CMSS1: variants seen among roughly 807,000 people sequenced by gnomAD.
CMSS1 encodes the protein protein CMSS1.
Under a neutral mutation model 43.5 loss-of-function variants are expected in CMSS1, and 33 were observed. The observed-to-expected ratio is 0.76, with a 90% confidence interval of 0.57 to 1.01. CMSS1 has a LOEUF of 1.01. Ranked by LOEUF, CMSS1 falls within the 50% of genes least tolerant of loss-of-function variation. CMSS1 has a pLI of 0.00. For missense variants in CMSS1, 313 were observed against 326.4 expected (o/e 0.96, Z 0.32); for synonymous variants, 115 against 117.2 (o/e 0.98, Z 0.12).
Position 100,121,168 on chromosome 3 carries a change from G to A in CMSS1, c.65-25805G>A, listed in dbSNP as rs79082425. ...TCTGTTTTGTTACATAGGTATACACGTGTCATGGTGGTTTGCTGCACCCAT... is the reference window on the plus strand; with the variant it reads ...TCTGTTTTGTTACATAGGTATACACATGTCATGGTGGTTTGCTGCACCCAT... On this transcript the variant is annotated intron_variant, in intron 1 of 9. Coordinates refer to ENST00000421999, the MANE Select transcript of CMSS1 (RefSeq NM_032359.4). 5.8e-4 allele frequency among the ~76,000 whole-genome samples: 88 copies of A among 151,918 alleles called. 2 individuals are homozygous for A. Among genetic ancestry groups the A allele is most frequent in the African/African-American group, 2.9e-4 (12 of 41,316 alleles).
chr3:99,893,122 T>C lies in CMSS1; in HGVS notation c.64+75079T>C, dbSNP rs192533250. ...ATTTTTAGAAGACACCTTTCTGCTT[T>C]CAGGTATCTCTATTTCCAGTAACAA... On this transcript the variant is annotated intron_variant, in intron 1 of 9. Coordinates refer to ENST00000421999, the MANE Select transcript of CMSS1 (RefSeq NM_032359.4). Among the ~76,000 whole-genome samples the C allele has an allele frequency of 2.0e-5, 3 of 151,990 alleles. No individual in the cohort carries two copies. The East Asian group carries it at 5.8e-4, about 29-fold the overall frequency.
At chr3:99,979,530 G>T (rs891397416) in intron 1 of CMSS1, among the ~76,000 whole-genome samples, 2 of 152,116 alleles carry the variant, frequency 1.3e-5, no homozygotes, top group African/African-American at 2.4e-5. Flanking sequence ...TTCTTTCCCA[G>T]ATTTTTTTAA....
chr3:100,020,862 G>A (rs1576646685), intron 1 of CMSS1, among the ~76,000 whole-genome samples: 1 of 139,614 alleles, frequency 7.2e-6, no homozygotes, highest in East Asian at 2.3e-4. Context: ...CTGCCTCCCA[G>A]GTTCAAGTGA....
chr3:99,945,185 C>G (rs1451251659), intron 1 of CMSS1, among the ~76,000 whole-genome samples: 1 of 152,182 alleles, frequency 6.6e-6, no homozygotes, highest in Non-Finnish European at 1.5e-5. Flanking sequence ...GTCCTGGGTT[C>G]TTCAGACTGA....
chr3:100,082,160 C>T (rs1431108195), intron 1 of CMSS1, among the ~76,000 whole-genome samples: 1 of 152,068 alleles, frequency 6.6e-6, no homozygotes, highest in Non-Finnish European at 1.5e-5. Context: ...TTTATTTTCC[C>T]ATTATGTTGT....
At chr3:100,088,630 C>T (rs555447624) in intron 1 of CMSS1, among the ~76,000 whole-genome samples, 2 of 151,590 alleles carry the variant, frequency 1.3e-5, no homozygotes, top group African/African-American at 2.4e-5. Context: ...CAAGTTCTTG[C>T]ACTTTCTCTC....
At chr3:100,095,911 A>G (rs1220892648) in intron 1 of CMSS1, among the ~76,000 whole-genome samples, 1 of 152,220 alleles carries the variant, frequency 6.6e-6, no homozygotes, top group African/African-American at 2.4e-5. Flanking sequence ...AAGGAGCTCA[A>G]ACAACTACAT....
intron 1 of CMSS1, among the ~76,000 whole-genome samples, chr3:100,066,622 C>G (rs1380185918): frequency 1.0e-5 from 1 of 99,004 alleles, no homozygotes; most frequent in Non-Finnish European, 2.3e-5. Flanking sequence ...AGCTCCGCCT[C>G]CCGGGTTCAC....
At chr3:100,078,856 A>C (rs1008346400) in intron 1 of CMSS1, among the ~76,000 whole-genome samples, 3 of 152,120 alleles carry the variant, frequency 2.0e-5, no homozygotes, top group Middle Eastern at 3.2e-3. Flanking sequence ...ACACCACTGC[A>C]CTCCAGCCTG....
chr3:99,827,602 A>T (rs1297665659), intron 1 of CMSS1, among the ~76,000 whole-genome samples: 2 of 151,718 alleles, frequency 1.3e-5, no homozygotes, highest in Non-Finnish European at 2.9e-5. Context: ...TTCTACGCAA[A>T]TTTTTTCTTT....
chr3:99,895,062 T>TA (rs1364830132), intron 1 of CMSS1, among the ~76,000 whole-genome samples: 2 of 152,092 alleles, frequency 1.3e-5, no homozygotes, highest in African/African-American at 4.8e-5. Flanking sequence ...GCTCTGGAAA[T>TA]ACTCTTGCCC....
intron 1 of CMSS1, among the ~76,000 whole-genome samples, chr3:99,994,269 T>C (rs756712144): frequency 1.3e-5 from 2 of 152,188 alleles, no homozygotes; most frequent in African/African-American, 2.4e-5. Context: ...AAGAGATAGA[T>C]GGCAATACAA....
At chr3:100,056,581 G>A (rs1255528275) in intron 1 of CMSS1, among the ~76,000 whole-genome samples, 1 of 152,044 alleles carries the variant, frequency 6.6e-6, no homozygotes, top group Non-Finnish European at 1.5e-5. Flanking sequence ...ATCTGCTTGT[G>A]ATTAACAAGT....
intron 1 of CMSS1, among the ~76,000 whole-genome samples, chr3:99,897,566 A>G (rs1706298357): frequency 6.6e-6 from 1 of 152,126 alleles, no homozygotes; most frequent in South Asian, 2.1e-4. Flanking sequence ...TCTAAGGCTT[A>G]ATATTATTGC....
At chr3:99,993,132 T>G (rs1303851094) in intron 1 of CMSS1, among the ~76,000 whole-genome samples, 1 of 152,154 alleles carries the variant, frequency 6.6e-6, no homozygotes, top group Non-Finnish European at 1.5e-5. Flanking sequence ...AGGATTTCTT[T>G]GGCTATTTGA....
chr3:99,981,160 G>A (rs992706436), intron 1 of CMSS1, among the ~76,000 whole-genome samples: 3 of 152,148 alleles, frequency 2.0e-5, no homozygotes, highest in Non-Finnish European at 4.4e-5. Flanking sequence ...ACCCTGTGCT[G>A]GGATGTGGTG....
chr3:99,952,167 T>G (rs78951723), intron 1 of CMSS1, among the ~76,000 whole-genome samples: 5 of 146,672 alleles, frequency 3.4e-5, no homozygotes, highest in African/African-American at 1.0e-4. Context: ...TATAGATGTG[T>G]TTTTTTTTTT....
At chr3:100,060,141 A>G (rs973821589) in intron 1 of CMSS1, among the ~76,000 whole-genome samples, 2 of 152,152 alleles carry the variant, frequency 1.3e-5, no homozygotes, top group African/African-American at 4.8e-5. Context: ...TGTGTGTCAC[A>G]TGGTGGGTGG....
chr3:100,122,306 A>C (rs2066628355), intron 1 of CMSS1, among the ~76,000 whole-genome samples: 1 of 152,134 alleles, frequency 6.6e-6, no homozygotes, highest in African/African-American at 2.4e-5. Context: ...CTGGTAACCT[A>C]CAAAATTTGG....
Sources: gnomAD v4.1 joint callset for allele counts (sites outside exome capture counted in the v4.1 genomes callset) on GRCh38, gnomAD v4.1.1 for gene constraint, MANE v1.5 for transcripts, NCBI Gene and HGNC (gene_info 2026-07-23, HGNC 2026-07-21) for gene names.